The following SPON1 variants were observed in gnomAD, a reference collection of about 807,000 sequenced individuals.
SPON1 encodes spondin-1.
In SPON1, 52 loss-of-function variants were observed where a neutral mutation model predicts 111.7. The observed-to-expected ratio is 0.47, with a 90% confidence interval of 0.37 to 0.59. SPON1 has a LOEUF of 0.59. Ranked by LOEUF, SPON1 falls within the 20% of genes least tolerant of loss-of-function variation. The probability of loss-of-function intolerance (pLI) is 0.00; values close to 1 mark genes in which losing one functional copy is unlikely to be tolerated. For synonymous variants in SPON1, 410 were observed against 395.8 expected, an observed-to-expected ratio of 1.04 and a Z score of -0.43; for missense variants, 957 against 1,068.5, an observed-to-expected ratio of 0.90 and a Z score of 1.46.
At chr11:14,197,269 G>T (rs1440314328) in intron 6 of SPON1, among the ~76,000 whole-genome samples, 2 of 152,082 alleles carry the variant, frequency 1.3e-5, no homozygotes, top group Non-Finnish European at 2.9e-5. Context: ...TGTCAATTCA[G>T]TTGGCAGTTA....
intron 2 of SPON1, among the ~76,000 whole-genome samples, chr11:14,031,429 G>C (rs1554916045): frequency 6.6e-6 from 1 of 152,222 alleles, no homozygotes; most frequent in Non-Finnish European, 1.5e-5. Context: ...CAGTTTAGAA[G>C]AGAGGCCACT....
intron 6 of SPON1, among the ~76,000 whole-genome samples, chr11:14,154,341 G>A (rs1449401962): frequency 6.6e-6 from 1 of 152,308 alleles, no homozygotes; most frequent in South Asian, 2.1e-4. Flanking sequence ...TGGAATATAT[G>A]TCAGCCTCAA....
At chr11:14,129,746 C>T (rs565519855) in intron 5 of SPON1, among the ~76,000 whole-genome samples, 48 of 152,138 alleles carry the variant, frequency 3.2e-4, no homozygotes, top group African/African-American at 1.0e-3. Context: ...GAACTACCTG[C>T]GACTCGGTAA....
intron 2 of SPON1, among the ~76,000 whole-genome samples, chr11:14,030,119 A>G (rs782610197): frequency 5.9e-5 from 9 of 152,158 alleles, no homozygotes; most frequent in Non-Finnish European, 1.0e-4. Flanking sequence ...CAGTTGAACT[A>G]CTCAGGTTAA....
chr11:14,128,915 G>A (rs1193296815), intron 5 of SPON1, among the ~76,000 whole-genome samples: 1 of 152,248 alleles, frequency 6.6e-6, no homozygotes, highest in Non-Finnish European at 1.5e-5. Context: ...GGCTCGAGCT[G>A]TACCTTGGCA....
At chr11:14,250,640 C>T (rs997012018) in intron 7 of SPON1, among the ~76,000 whole-genome samples, 1 of 152,078 alleles carries the variant, frequency 6.6e-6, no homozygotes, top group African/African-American at 2.4e-5. Flanking sequence ...TGCTAGAAAA[C>T]GGATACAAAT....
At chr11:14,100,316 A>G (rs782797352) in intron 5 of SPON1, among the ~76,000 whole-genome samples, 10 of 151,872 alleles carry the variant, frequency 6.6e-5, no homozygotes, top group Non-Finnish European at 1.2e-4. Context: ...CCCCATATTT[A>G]TTGTGATTAC....
intron 3 of SPON1, among the ~76,000 whole-genome samples, chr11:14,056,062 T>A (rs1019502046): frequency 7.9e-5 from 12 of 152,144 alleles, no homozygotes; most frequent in African/African-American, 2.7e-4. Context: ...GACTTCCAGG[T>A]CAAGTGATCT....
chr11:14,164,644 G>A (rs115228331), intron 6 of SPON1, among the ~76,000 whole-genome samples: 1,576 of 152,300 alleles, frequency 0.01, 25 homozygotes, highest in African/African-American at 0.036. Flanking sequence ...CTAGATAGCC[G>A]ATTCATCACG....
At chr11:14,079,857 C>T in intron 4 of SPON1, 42 bp from the exon 5 acceptor site, 1 of 1,612,712 alleles carries the variant, frequency 6.2e-7, no homozygotes, top group African/African-American at 1.3e-5. Context: ...ATATACAACC[C>T]ACGTTTACTT....
intron 6 of SPON1, among the ~76,000 whole-genome samples, chr11:14,166,677 A>G (rs1236156337): frequency 3.3e-5 from 5 of 152,200 alleles, no homozygotes; most frequent in African/African-American, 9.6e-5. Context: ...CTGTGGCATA[A>G]AACAATTTTA....
At chr11:14,090,832 CCCCCCCCCCCCCG>C (rs782181603) in intron 5 of SPON1, among the ~76,000 whole-genome samples, 946 of 14,348 alleles carry the variant, frequency 0.066, 65 homozygotes, top group South Asian at 0.23. Context: ...TGGCCCCCCC[CCCCCCCCCCCCCG>C]CCCACATCCT....
intron 5 of SPON1, among the ~76,000 whole-genome samples, chr11:14,134,181 T>A (rs905630318): frequency 6.6e-6 from 1 of 152,202 alleles, no homozygotes; most frequent in South Asian, 2.1e-4. Context: ...TCCTCTTTGA[T>A]ATGCCTGAAA....
At chr11:14,094,185 C>G (rs1312757981) in intron 5 of SPON1, among the ~76,000 whole-genome samples, 1 of 150,010 alleles carries the variant, frequency 6.7e-6, no homozygotes, top group East Asian at 2.0e-4. Flanking sequence ...GCACTCCAGC[C>G]TGAGTGACAG....
chr11:14,100,821 C>T (rs2133843458), intron 5 of SPON1, among the ~76,000 whole-genome samples: 1 of 152,264 alleles, frequency 6.6e-6, no homozygotes, highest in East Asian at 1.9e-4. Context: ...GCCTTATATG[C>T]CTGAGAATTT....
intron 6 of SPON1, among the ~76,000 whole-genome samples, chr11:14,141,029 C>CCCCCCCTA (rs71041572): frequency 7.6e-6 from 1 of 132,274 alleles, no homozygotes. Flanking sequence ...GTGCCCCCCC[C>CCCCCCCTA]ATGCCCCACT....
chr11:14,137,385 T>C (rs11023099), intron 6 of SPON1, among the ~76,000 whole-genome samples: 60,020 of 152,010 alleles, frequency 0.39, 12,100 homozygotes, highest in East Asian at 0.54. Flanking sequence ...AGCTGGCTAG[T>C]GTTTCAGACA....
chr11:14,224,747 A>G (rs1848718443), intron 6 of SPON1: 1 of 506,498 alleles, frequency 2.0e-6, no homozygotes, highest in Admixed American at 2.0e-5. Context: ...AGGGTGAAAG[A>G]CTGAGGGAGA....
intron 6 of SPON1, among the ~76,000 whole-genome samples, chr11:14,209,526 C>T (rs1235049313): frequency 2.0e-5 from 3 of 151,996 alleles, no homozygotes; most frequent in South Asian, 4.2e-4. Flanking sequence ...GTTTTCTGTT[C>T]CTGTGTTAGT....
Sources: allele counts gnomAD v4.1 joint callset (sites outside exome capture counted in the v4.1 genomes callset), GRCh38; gene constraint gnomAD v4.1.1; transcripts MANE v1.5; gene names NCBI Gene and HGNC (gene_info 2026-07-23, HGNC 2026-07-21).